Variants in SEPSECS observed in about 807,000 individuals in gnomAD.
The protein encoded by SEPSECS is Sep (O-phosphoserine) tRNA:Sec (selenocysteine) tRNA synthase.
Under a neutral mutation model 52.1 loss-of-function variants are expected in SEPSECS, and 42 were observed. That is an observed-to-expected ratio of 0.81 (90% CI 0.63 to 1.04). The LOEUF (loss-of-function observed/expected upper bound fraction) is 1.04, where lower values mean the gene tolerates loss of function less well. SEPSECS is among the 50% of genes least tolerant of loss of function. SEPSECS has a pLI of 0.00. For synonymous variants in SEPSECS, 216 were observed against 211.4 expected (o/e 1.02, Z -0.19); for missense variants, 590 against 610.6 (o/e 0.97, Z 0.36).
At chr4:25,150,332 AAATAC>A (rs1322495411) in intron 6 of SEPSECS, among the ~76,000 whole-genome samples, 3 of 152,222 alleles carry the variant, frequency 2.0e-5, no homozygotes, top group Non-Finnish European at 4.4e-5. Flanking sequence ...ATACATGCAT[AAATAC>A]AATACTTTAT....
Position 25,125,690 on chromosome 4 carries a change from T to C in SEPSECS, c.1211+4A>G. 1 of 1,601,890 alleles carries C rather than the reference T, an allele frequency of 6.2e-7. No individual in the cohort carries two copies. Among genetic ancestry groups the C allele is most frequent in the Non-Finnish European group, 8.5e-7 (1 of 1,169,672 alleles). ...AAACCCATATCTATCTTAAACATAC[T>C]TACCTGGCTCCAGAAACCTGTCTGG... On this transcript the variant is annotated splice_donor_region_variant and intron_variant, in intron 10 of 10. Transcript: ENST00000382103.
intron 8 of SEPSECS, among the ~76,000 whole-genome samples, chr4:25,129,083 T>C (rs187046534): frequency 9.8e-5 from 15 of 152,292 alleles, no homozygotes; most frequent in Admixed American, 4.6e-4. Context: ...TTAGGATACT[T>C]CATAAAATTA....
chr4:25,129,426 C>T (rs957028494), intron 8 of SEPSECS, among the ~76,000 whole-genome samples: 4 of 148,144 alleles, frequency 2.7e-5, no homozygotes, highest in Admixed American at 6.8e-5. Flanking sequence ...GAGTTCGAGA[C>T]CAGCCTGGCC....
chr4:25,155,887 T>C (rs963259409), intron 4 of SEPSECS, 150 bp downstream of exon 4: 3 of 669,766 alleles, frequency 4.5e-6, no homozygotes, highest in Non-Finnish European at 7.5e-6. Context: ...ATACAAACAT[T>C]AAATTTTGTT....
At position 25,160,206 on chromosome 4, in the gene SEPSECS, C is replaced by T. The variant is rs922961817; in HGVS notation, c.114+50G>A. ...GCACCAGCGGGGACGCCCGGCGGAG[C>T]CAGAGCCCCGGGGTCGCGGCGGCTG... On this transcript the variant is annotated intron_variant, in intron 1 of 10. Coordinates refer to ENST00000382103, the MANE Select transcript of SEPSECS (RefSeq NM_016955.4). The T allele has an allele frequency of 2.6e-6, 4 of 1,545,136 alleles. No individual in the cohort carries two copies. In the Admixed American group the frequency reaches 7.9e-5, roughly 30 times the overall value.
chr4:25,121,762 T>C lies in SEPSECS; in HGVS notation c.*2169A>G, dbSNP rs531097603. The C allele has an allele frequency of 6.6e-6, 1 of 152,284 alleles. No homozygotes were observed. The highest frequency in any genetic ancestry group is 1.9e-4 in the East Asian group (1 of 5,178). The allele number at this position is 152,284 out of a possible 1,614,324, so 9.4% of individuals were successfully genotyped here. A position where few individuals can be genotyped will look rare whatever the true frequency, so the allele number is the denominator to read the frequency against. On this transcript the variant is annotated 3_prime_UTR_variant, in exon 11 of 11. Transcript: ENST00000382103. ...CTGATTTTCTGCATCAGGAATGAAA[T>C]ATTGTAACATATCTATCATTCACAT...
chr4:25,156,187 T>A lies in SEPSECS; in HGVS notation c.397A>T (p.Thr133Ser). Reference sequence around the variant, plus strand: ...GGAACTACAAAGCAGTTGGCTACTGTATGGACACCTACAAATAAGAAGCAA... The same window carrying A: ...GGAACTACAAAGCAGTTGGCTACTGAATGGACACCTACAAATAAGAAGCAA... ...LDIIKLAGVH[T>S]VANCFVVPMA... Residue 133 changes from threonine to serine, a missense_variant, in exon 4 of 11, where the codon ACA (threonine) becomes TCA (serine). Physicochemically the swap from Thr to Ser is moderately conservative, Grantham distance 58 (BLOSUM62 1). Coordinates refer to ENST00000382103, the MANE Select transcript of SEPSECS (RefSeq NM_016955.4). The A allele has an allele frequency of 6.2e-7, 1 of 1,613,848 alleles. No individual in the cohort carries two copies. The highest frequency in any genetic ancestry group is 8.5e-7 in the Non-Finnish European group (1 of 1,179,816).
At chr4:25,128,279 C>T (rs1219474828) in intron 8 of SEPSECS, among the ~76,000 whole-genome samples, 2 of 152,088 alleles carry the variant, frequency 1.3e-5, no homozygotes, top group African/African-American at 4.8e-5. Flanking sequence ...CTTTAGTATG[C>T]AAGTTATTTA....
chr4:25,155,436 T>C (rs1214602589), intron 4 of SEPSECS, among the ~76,000 whole-genome samples: 4 of 152,198 alleles, frequency 2.6e-5, no homozygotes, highest in African/African-American at 7.2e-5. Flanking sequence ...TAAATAGATA[T>C]CTATAGAAGT....
At chr4:25,124,468 C>A (rs1052382139) in intron 10 of SEPSECS, among the ~76,000 whole-genome samples, 4 of 152,074 alleles carry the variant, frequency 2.6e-5, no homozygotes, top group Non-Finnish European at 4.4e-5. Context: ...TATTAAAGAC[C>A]TATAAGCTCT....
rs756069519 is a variant in SEPSECS, at chr4:25,124,031, C to A, written c.1406G>T (p.Ser469Ile). 1 of 1,613,702 alleles carries A rather than the reference C, an allele frequency of 6.2e-7. No individual in the cohort carries two copies. The highest frequency in any genetic ancestry group is 1.7e-5 in the Admixed American group (1 of 59,998). ...KAVRKERSKE[S>I]DDNYDKTEDV... is the part of the protein sequence containing the mutation. Reference sequence around the variant, plus strand: ...TTCAGTTTTGTCATAATTGTCATCACTCTCTTTACTTCGTTCTTTTCTTAC... The same window carrying A: ...TTCAGTTTTGTCATAATTGTCATCAATCTCTTTACTTCGTTCTTTTCTTAC... Residue 469 changes from serine (S) to isoleucine (I), a missense_variant, in exon 11 of 11, where the codon AGT (serine) becomes ATT (isoleucine). By Grantham distance (142) the Ser-to-Ile change is moderately radical (BLOSUM62 -2). Coordinates refer to ENST00000382103, the MANE Select transcript of SEPSECS (RefSeq NM_016955.4).
intron 8 of SEPSECS, among the ~76,000 whole-genome samples, chr4:25,143,965 G>A (rs1490008559): frequency 6.6e-6 from 1 of 152,116 alleles, no homozygotes; most frequent in Non-Finnish European, 1.5e-5. Context: ...AGCTAGTTGT[G>A]TTGGAGATAA....
At chr4:25,128,578 A>G (rs1488136795) in intron 8 of SEPSECS, among the ~76,000 whole-genome samples, 1 of 152,190 alleles carries the variant, frequency 6.6e-6, no homozygotes, top group African/African-American at 2.4e-5. Flanking sequence ...TCACATGTAT[A>G]TAAGTGGCAG....
At chr4:25,139,463 T>G (rs1165216258) in intron 8 of SEPSECS, among the ~76,000 whole-genome samples, 3 of 137,704 alleles carry the variant, frequency 2.2e-5, no homozygotes, top group South Asian at 4.8e-4. Context: ...CTCAGCTCAC[T>G]GCAACTTCCG....
chr4:25,133,952 A>G (rs1728721192), intron 8 of SEPSECS, among the ~76,000 whole-genome samples: 1 of 151,284 alleles, frequency 6.6e-6, no homozygotes, highest in Non-Finnish European at 1.5e-5. Context: ...TGTCTCTACA[A>G]AAAGTAAAAA....
intron 6 of SEPSECS, among the ~76,000 whole-genome samples, chr4:25,150,664 C>T (rs932076684): frequency 6.6e-6 from 1 of 151,822 alleles, no homozygotes. Context: ...TAGAACATAG[C>T]ATCTTAAAAT....
chr4:25,135,909 C>A (rs922623316), intron 8 of SEPSECS, among the ~76,000 whole-genome samples: 1 of 152,132 alleles, frequency 6.6e-6, no homozygotes, highest in East Asian at 1.9e-4. Flanking sequence ...ACACGCAAAT[C>A]AATAAATGTA....
At chr4:25,134,001 T>C in intron 8 of SEPSECS, among the ~76,000 whole-genome samples, 1 of 150,964 alleles carries the variant, frequency 6.6e-6, no homozygotes. Flanking sequence ...CATGCACCTG[T>C]GGACACCAGT....
rs1577634439 is a variant in SEPSECS, at chr4:25,158,965, C to G, written c.257G>C (p.Arg86Pro). 3.7e-6 allele frequency: 6 copies of G among 1,613,912 alleles called. No homozygotes were observed. Among genetic ancestry groups the G allele is most frequent in the Non-Finnish European group, 5.1e-6 (6 of 1,179,850 alleles). Residue 86 changes from arginine (R) to proline (P), a missense_variant, in exon 2 of 11, where the codon CGT (arginine) becomes CCT (proline). Arg to Pro is a moderately radical substitution (Grantham distance 103, BLOSUM62 -2). Transcript: ENST00000382103. ...EGRVASALVA[R>P]RHYRFIHGIG... ...TAAAAAAAGATACCTGTAATGACGA[C>G]GAGCAACCAGTGCGGATGCCACTCT...
Sources: allele counts gnomAD v4.1 joint callset (sites outside exome capture counted in the v4.1 genomes callset), GRCh38; gene constraint gnomAD v4.1.1; transcripts MANE v1.5; gene names NCBI Gene and HGNC (gene_info 2026-07-23, HGNC 2026-07-21).